NTN4: variants seen among roughly 807,000 people sequenced by gnomAD.
NTN4 encodes netrin-4.
NTN4 carries 32 observed loss-of-function variants against 73.6 expected under a neutral mutation model. The observed-to-expected ratio is 0.44, with a 90% CI of 0.33 to 0.58. The LOEUF is 0.58. Ranked by LOEUF, NTN4 falls within the 20% of genes least tolerant of loss-of-function variation. NTN4 has a pLI of 0.04. For missense variants in NTN4, 654 were observed against 798.3 expected, an observed-to-expected ratio of 0.82 and a Z score of 2.18; for synonymous variants, 258 against 287.5, an observed-to-expected ratio of 0.90 and a Z score of 1.04.
chr12:95,774,182 T>A (rs1385247510), intron 2 of NTN4, among the ~76,000 whole-genome samples: 1 of 93,802 alleles, frequency 1.1e-5, no homozygotes, highest in Non-Finnish European at 2.5e-5. Flanking sequence ...TCTCTTTTTT[T>A]TTTTAAAAAA....
rs776649804 is a variant in NTN4 at position 95,710,473 on chromosome 12, C to G, written c.1148G>C (p.Arg383Pro). The G allele has an allele frequency of 3.7e-6, 6 of 1,613,990 alleles. No homozygotes were observed. The highest frequency in any genetic ancestry group is 5.1e-6 in the Non-Finnish European group (6 of 1,179,978). Residue 383 changes from arginine (R) to proline (P), a missense_variant, in exon 5 of 10, where the codon CGG (arginine) becomes CCG (proline). Physicochemically the swap from Arg to Pro is moderately radical, Grantham distance 103 (BLOSUM62 -2). Transcript: ENST00000343702. ...RCKPGFYRDL[R>P]RPFSAPDACK... is the part of the protein sequence containing the mutation. ...AGCATCTGGAGCTGAGAAGGGTCTC[C>G]GCAGGTCACGATAGAAGCCTGGCTT... is the stretch of plus-strand genomic sequence containing the variant.
chr12:95,778,414 G>A (rs1343867105), intron 2 of NTN4, among the ~76,000 whole-genome samples: 2 of 151,946 alleles, frequency 1.3e-5, no homozygotes, highest in East Asian at 3.9e-4. Context: ...TAGACCGCTA[G>A]CAAGACCAAT....
At position 95,734,494 on chromosome 12, in the gene NTN4, G is replaced by C. The variant is rs140794511; in HGVS notation, c.864+3372C>G. Among the ~76,000 whole-genome samples the C allele has an allele frequency of 1.4e-4, 21 of 152,258 alleles. 1 individual carries two copies. Among genetic ancestry groups the C allele is most frequent in the African/African-American group, 3.4e-4 (14 of 41,556 alleles). ...TTCCACTGCTGCAAATAAAAACTGT[G>C]CTAAAAATTTAGATTTGTGTGCACA... On this transcript the variant is annotated intron_variant, in intron 3 of 9. Coordinates refer to ENST00000343702, the MANE Select transcript of NTN4 (RefSeq NM_021229.4).
At chr12:95,705,186 T>A (rs967284293) in intron 5 of NTN4, among the ~76,000 whole-genome samples, 8 of 152,298 alleles carry the variant, frequency 5.3e-5, no homozygotes, top group Non-Finnish European at 7.3e-5. Flanking sequence ...ATTTTTTTTT[T>A]AAGAGTATCT....
At chr12:95,676,601 G>C (rs191803383) in intron 7 of NTN4, among the ~76,000 whole-genome samples, 39 of 152,122 alleles carry the variant, frequency 2.6e-4, no homozygotes, top group Non-Finnish European at 8.8e-5. Context: ...ATAACCTTAA[G>C]AGTACTTGCT....
chr12:95,763,292 A>G (rs2079000935), intron 2 of NTN4, among the ~76,000 whole-genome samples: 1 of 150,318 alleles, frequency 6.7e-6, no homozygotes. Context: ...AAATTTCTCA[A>G]TGCAAGAAGT....
chr12:95,708,432 C>G (rs1035956993), intron 5 of NTN4, among the ~76,000 whole-genome samples: 1 of 151,690 alleles, frequency 6.6e-6, no homozygotes, highest in South Asian at 2.1e-4. Context: ...GAACTACAGG[C>G]GCCCGCCACC....
At chr12:95,689,996 T>C (rs961090793) in intron 5 of NTN4, among the ~76,000 whole-genome samples, 2 of 152,184 alleles carry the variant, frequency 1.3e-5, no homozygotes, top group Admixed American at 1.3e-4. Context: ...CTAGCTGAAA[T>C]TTGTTTTACC....
intron 7 of NTN4, among the ~76,000 whole-genome samples, chr12:95,671,302 A>AC (rs2078228393): frequency 6.6e-6 from 1 of 152,090 alleles, no homozygotes; most frequent in Admixed American, 6.6e-5. Context: ...CCCAGCCTGT[A>AC]CATAGTTTAT....
At chr12:95,782,382 G>A (rs772465583) in intron 2 of NTN4, among the ~76,000 whole-genome samples, 8 of 151,176 alleles carry the variant, frequency 5.3e-5, no homozygotes, top group African/African-American at 1.2e-4. Context: ...TGCAACCTCC[G>A]CCTCCCAGGT....
intron 5 of NTN4, among the ~76,000 whole-genome samples, chr12:95,702,849 TTTTTTTTGG>T (rs2078495330): frequency 7.3e-6 from 1 of 136,488 alleles, no homozygotes; most frequent in Non-Finnish European, 1.6e-5. Context: ...ATGGTTTTTT[TTTTTTTTGG>T]TTTTTTTTTT....
At chr12:95,684,478 T>TC (rs1018964369) in intron 5 of NTN4, among the ~76,000 whole-genome samples, 1 of 151,874 alleles carries the variant, frequency 6.6e-6, no homozygotes, top group African/African-American at 2.4e-5. Flanking sequence ...AAAAAAAATT[T>TC]TTTTTTTTTT....
chr12:95,697,132 G>A (rs910946325), intron 5 of NTN4, among the ~76,000 whole-genome samples: 1 of 151,388 alleles, frequency 6.6e-6, no homozygotes, highest in Non-Finnish European at 1.5e-5. Context: ...CTGTGATCAT[G>A]CCATTGCACT....
chr12:95,659,265 G>A (rs1437239657), intron 9 of NTN4, 43 bp from the exon 10 acceptor site: 2 of 1,479,456 alleles, frequency 1.4e-6, no homozygotes, highest in African/African-American at 2.8e-5. Flanking sequence ...ATCATACTTT[G>A]TTGAAGGGAG....
At chr12:95,777,205 A>T (rs1215203005) in intron 2 of NTN4, among the ~76,000 whole-genome samples, 2 of 152,344 alleles carry the variant, frequency 1.3e-5, no homozygotes, top group East Asian at 3.9e-4. Context: ...CACTGCAAAA[A>T]CATGCCAAAT....
At chr12:95,750,330 G>T (rs1367263067) in intron 2 of NTN4, among the ~76,000 whole-genome samples, 1 of 151,856 alleles carries the variant, frequency 6.6e-6, no homozygotes, top group Non-Finnish European at 1.5e-5. Flanking sequence ...CTCTAGGCTT[G>T]CTTCCTTCAC....
intron 5 of NTN4, among the ~76,000 whole-genome samples, chr12:95,687,267 G>A (rs192626909): frequency 9.5e-4 from 145 of 152,204 alleles, no homozygotes; most frequent in Non-Finnish European, 1.7e-3. Context: ...AAATGTTACA[G>A]CTATTTTTAA....
At chr12:95,739,820 T>C (rs963596996) in intron 2 of NTN4, 3 of 152,208 alleles carry the variant, frequency 2.0e-5, no homozygotes, top group Non-Finnish European at 4.4e-5. Flanking sequence ...GTTTGGTCTC[T>C]CTCTGTCTCT....
chr12:95,727,990 A>G lies in NTN4; in HGVS notation c.864+9876T>C, dbSNP rs1015793926. Among the ~76,000 whole-genome samples the G allele has an allele frequency of 8.7e-4, 133 of 152,178 alleles. 1 individual carries two copies. The highest frequency in any genetic ancestry group is 3.0e-3 in the African/African-American group (125 of 41,524). On this transcript the variant is annotated intron_variant, in intron 3 of 9. Transcript: ENST00000343702. ...TTTAATTTTTTTTTAACAATGTTTCAGGGTTTTCAGTGTATATGCCCTGCA... is the reference window on the plus strand; with the variant it reads ...TTTAATTTTTTTTTAACAATGTTTCGGGGTTTTCAGTGTATATGCCCTGCA...
Sources: allele counts gnomAD v4.1 joint callset (sites outside exome capture counted in the v4.1 genomes callset), GRCh38; gene constraint gnomAD v4.1.1; transcripts MANE v1.5; gene names NCBI Gene and HGNC (gene_info 2026-07-23, HGNC 2026-07-21).